SLC7A7: variants seen among roughly 807,000 people sequenced by gnomAD.
The protein encoded by SLC7A7 is solute carrier family 7 member 7.
SLC7A7 carries 39 observed loss-of-function variants against 47.9 expected under a neutral mutation model. The observed-to-expected ratio is 0.81, with a 90% confidence interval of 0.63 to 1.06. The LOEUF is 1.06. Among genes scored for constraint, SLC7A7 ranks in the 50% least tolerant of loss-of-function variants. The pLI, the probability that SLC7A7 is intolerant of heterozygous loss-of-function variation, is 0.00. For missense variants in SLC7A7, 588 were observed against 632.0 expected, an observed-to-expected ratio of 0.93 and a Z score of 0.75; for synonymous variants, 234 against 242.8, an observed-to-expected ratio of 0.96 and a Z score of 0.34.
At chr14:22,773,772 G>A in intron 9 of SLC7A7, 56 bp from the exon 10 acceptor site, 1 of 1,563,572 alleles carries the variant, frequency 6.4e-7, no homozygotes, top group Non-Finnish European at 8.8e-7. Flanking sequence ...CTGAGTTCAA[G>A]TGTCACTGAA....
In SLC7A7 at chr14:22,795,452, C is replaced by CT. The variant is rs775770357; in HGVS notation, c.500-15402dup. On this transcript the variant is annotated intron_variant, in intron 2 of 9. Coordinates refer to ENST00000674313, the MANE Select transcript of SLC7A7 (RefSeq NM_003982.4). ...TTTCTTTCTTTCTTTCTTTTCTATT[C>CT]TTTTCTTTTCTTTTCTTTTCTTTTC... 5.7e-5 allele frequency among the ~76,000 whole-genome samples: 4 copies of CT among 70,688 alleles called. No individual in the cohort carries two copies. In the East Asian group the frequency reaches 1.4e-3, roughly 25 times the overall value. 46.4% of individuals were successfully genotyped at this position (70,688 alleles called of 152,430 possible).
At chr14:22,785,912 C>A (rs896407761) in intron 2 of SLC7A7, among the ~76,000 whole-genome samples, 1 of 151,308 alleles carries the variant, frequency 6.6e-6, no homozygotes, top group Non-Finnish European at 1.5e-5. Context: ...GTCCCAGACA[C>A]TCAGGAGGCT....
chr14:22,787,745 C>T (rs546925169), intron 2 of SLC7A7, among the ~76,000 whole-genome samples: 1 of 143,270 alleles, frequency 7.0e-6, no homozygotes, highest in African/African-American at 2.6e-5. Context: ...GACAGAGCAA[C>T]ACTCTGTCTC....
In SLC7A7 at chr14:22,773,283, G is replaced by GAGAC. The variant is rs886050403; in HGVS notation, c.*323_*326dup. 4.4e-5 allele frequency: 21 copies of GAGAC among 477,686 alleles called. No individual in the cohort carries two copies. In the East Asian group the frequency reaches 1.3e-3, roughly 29 times the overall value. 29.6% of individuals were successfully genotyped at this position (477,686 alleles called of 1,614,324 possible). ...GTGATAGTTTCATGTCTCTCTAAAG[G>GAGAC]AGACAGGAAATTGGAGCATTGTGGG... On this transcript the variant is annotated 3_prime_UTR_variant, in exon 10 of 10. Transcript: ENST00000674313.
At chr14:22,784,478 CATG>C (rs1449741943) in intron 2 of SLC7A7, among the ~76,000 whole-genome samples, 1 of 152,042 alleles carries the variant, frequency 6.6e-6, no homozygotes, top group African/African-American at 2.4e-5. Flanking sequence ...ATTAGCTGGG[CATG>C]GTGGTGTGTG....
intron 2 of SLC7A7, among the ~76,000 whole-genome samples, chr14:22,783,602 T>C (rs977132368): frequency 1.3e-5 from 2 of 151,876 alleles, no homozygotes; most frequent in African/African-American, 4.8e-5. Context: ...GGTTTCGCCA[T>C]GTTAGCCAGA....
intron 2 of SLC7A7, among the ~76,000 whole-genome samples, chr14:22,797,567 C>A (rs186214841): frequency 3.9e-5 from 6 of 152,204 alleles, no homozygotes; most frequent in African/African-American, 1.2e-4. Context: ...GAGAGGCAAC[C>A]TATCTACCCA....
chr14:22,797,514 T>C (rs759414544), intron 2 of SLC7A7, among the ~76,000 whole-genome samples: 2 of 152,064 alleles, frequency 1.3e-5, no homozygotes, highest in Non-Finnish European at 2.9e-5. Context: ...CACTCAAAAG[T>C]GGACATTGAC....
chr14:22,778,772 A>G, intron 4 of SLC7A7, 21 bp downstream of exon 4: 1 of 1,611,044 alleles, frequency 6.2e-7, no homozygotes, highest in Non-Finnish European at 8.5e-7. Flanking sequence ...TGCTATGGAA[A>G]GTTGGTGGTG....
intron 2 of SLC7A7, among the ~76,000 whole-genome samples, chr14:22,806,344 C>T (rs1464315059): frequency 6.6e-6 from 1 of 151,132 alleles, no homozygotes; most frequent in Non-Finnish European, 1.5e-5. Flanking sequence ...TACAGGTGCC[C>T]GCCATCATGC....
At chr14:22,798,106 G>A (rs1052201343) in intron 2 of SLC7A7, among the ~76,000 whole-genome samples, 1 of 152,062 alleles carries the variant, frequency 6.6e-6, no homozygotes, top group Non-Finnish European at 1.5e-5. Context: ...GACTAGCCTG[G>A]CCAACATGGT....
rs746892272 is a variant in SLC7A7 at position 22,812,940 on chromosome 14, G to A, written c.459C>T (p.Ala153=). The A allele has an allele frequency of 2.5e-6, 4 of 1,613,698 alleles. No homozygotes were observed. The African/African-American group carries it at 5.3e-5, about 22-fold the overall frequency. ...CCAGCAGGCGGCTGGCAGCATAAGG[G>A]GCGAAGCAGCTCGGGAAGAGAGGCT... The part of the protein sequence containing the change: ...MVQPLFPSCF[A]PYAASRLLAA... The change falls in exon 2 of 10, where the codon GCC becomes GCT. Residue 153 remains alanine, a synonymous_variant. Coordinates refer to ENST00000674313, the MANE Select transcript of SLC7A7 (RefSeq NM_003982.4).
chr14:22,813,492 A>G, intron 1 of SLC7A7, 52 bp from the exon 2 acceptor site: 1 of 1,471,142 alleles, frequency 6.8e-7, no homozygotes, highest in East Asian at 2.3e-5. Context: ...AATTACATAG[A>G]ACCTCTACCC....
chr14:22,778,871 G>T lies in SLC7A7; in HGVS notation c.692C>A (p.Ala231Glu). The T allele has an allele frequency of 6.2e-7, 1 of 1,614,174 alleles. No individual in the cohort carries two copies. The highest frequency in any genetic ancestry group is 8.5e-7 in the Non-Finnish European group (1 of 1,180,024). The change falls in exon 4 of 10, where the codon GCA (alanine) becomes GAA (glutamate). Residue 231 changes from alanine (A) to glutamate (E), a missense_variant. Ala to Glu is a moderately radical substitution (Grantham distance 107, BLOSUM62 -1). Coordinates refer to ENST00000674313, the MANE Select transcript of SLC7A7 (RefSeq NM_003982.4). Reference protein sequence around the residue: ...SSFAVGDIALALYSALFSYSG... With the variant: ...SSFAVGDIALELYSALFSYSG... ...GTAGGAGAACAGAGCTGAGTACAGT[G>T]CCAGGGCAATGTCACCCACTGCAAA...
At chr14:22,806,034 G>A (rs1416179587) in intron 2 of SLC7A7, among the ~76,000 whole-genome samples, 102 of 149,760 alleles carry the variant, frequency 6.8e-4, no homozygotes, top group African/African-American at 1.7e-3. Context: ...CCAGCCACTC[G>A]GGAGGCTGAG....
intron 8 of SLC7A7, 107 bp downstream of exon 8, chr14:22,774,247 A>G: frequency 6.3e-7 from 1 of 1,598,490 alleles, no homozygotes. Context: ...ATTACTAACG[A>G]CCAAGTCCCA....
chr14:22,809,532 G>A (rs751842378), intron 2 of SLC7A7, among the ~76,000 whole-genome samples: 4 of 151,986 alleles, frequency 2.6e-5, no homozygotes, highest in South Asian at 2.1e-4. Context: ...TCATAGAGAC[G>A]GGGTTTCACC....
At position 22,773,362 on chromosome 14, in the gene SLC7A7, A is replaced by T. The variant is rs1322276280; in HGVS notation, c.*248T>A. ...GGCACACCCAGGTGCTTCTAAAACA[A>T]CCAAGCCCAAACCTGACATGCTCCT... is the stretch of plus-strand genomic sequence containing the variant. On this transcript the variant is annotated 3_prime_UTR_variant, in exon 10 of 10. Coordinates refer to ENST00000674313, the MANE Select transcript of SLC7A7 (RefSeq NM_003982.4). 3.3e-6 allele frequency: 2 copies of T among 600,572 alleles called. No individual in the cohort carries two copies. The highest frequency in any genetic ancestry group is 6.2e-6 in the Non-Finnish European group (2 of 321,932). The allele number at this position is 600,572 out of a possible 1,614,324, so 37.2% of individuals were successfully genotyped here. A position where few individuals can be genotyped will look rare whatever the true frequency, so the allele number is the denominator to read the frequency against.
At chr14:22,790,259 G>C (rs990950517) in intron 2 of SLC7A7, among the ~76,000 whole-genome samples, 1 of 149,096 alleles carries the variant, frequency 6.7e-6, no homozygotes, top group African/African-American at 2.5e-5. Flanking sequence ...AGCCTGGGGA[G>C]GTCAAGGCTG....
Sources: allele counts gnomAD v4.1 joint callset (sites outside exome capture counted in the v4.1 genomes callset), GRCh38; gene constraint gnomAD v4.1.1; transcripts MANE v1.5; gene names NCBI Gene and HGNC (gene_info 2026-07-23, HGNC 2026-07-21).